Variants in LRP12 observed in about 807,000 individuals in gnomAD.
LRP12 encodes the protein low-density lipoprotein receptor-related protein 12.
Under a neutral mutation model 66.0 loss-of-function variants are expected in LRP12, and 14 were observed. The ratio of observed to expected loss-of-function variants is 0.21; its 90% confidence interval spans 0.14 to 0.33. The LOEUF (loss-of-function observed/expected upper bound fraction) is 0.33. LRP12 is among the 10% of genes least tolerant of loss of function. The probability of loss-of-function intolerance (pLI) is 1.00; values close to 1 mark genes in which losing one functional copy is unlikely to be tolerated. For missense variants in LRP12, 889 were observed against 1,053.4 expected (o/e 0.84, Z 2.16); for synonymous variants, 357 against 359.1 (o/e 0.99, Z 0.07).
At chr8:104,557,803 A>T (rs538891059) in intron 1 of LRP12, among the ~76,000 whole-genome samples, 66 of 152,312 alleles carry the variant, frequency 4.3e-4, no homozygotes, top group African/African-American at 1.5e-3. Flanking sequence ...AAAAGAGCTC[A>T]CATAGCCAAA....
Position 104,500,409 on chromosome 8 carries a change from A to C in LRP12, c.273-890T>G, listed in dbSNP as rs560589610. Among the ~76,000 whole-genome samples, 20 of 152,290 alleles carry C rather than the reference A, an allele frequency of 1.3e-4. No homozygotes were observed. In the South Asian group the frequency reaches 1.7e-3, roughly 13 times the overall value. ...TTCCAGGTTTGCACTATTATGAACTATGCTTTAAAAACTCCTGGCCGGGCA... is the reference window on the plus strand; with the variant it reads ...TTCCAGGTTTGCACTATTATGAACTCTGCTTTAAAAACTCCTGGCCGGGCA... On this transcript the variant is annotated intron_variant, in intron 3 of 6. Coordinates refer to ENST00000276654, the MANE Select transcript of LRP12 (RefSeq NM_013437.5).
chr8:104,498,955 G>T (rs1449582583), intron 4 of LRP12, among the ~76,000 whole-genome samples: 1 of 152,100 alleles, frequency 6.6e-6, no homozygotes, highest in Non-Finnish European at 1.5e-5. Flanking sequence ...AATTTGTTAG[G>T]TCTTTTCTCT....
chr8:104,588,962 C>CGAGGTA lies in LRP12; in HGVS notation c.-66_-65insTACCTC. 1 of 954,504 alleles carries CGAGGTA rather than the reference C, an allele frequency of 1.0e-6. No individual in the cohort carries two copies. Among genetic ancestry groups the CGAGGTA allele is most frequent in the South Asian group, 1.7e-5 (1 of 60,540 alleles). 59.1% of individuals were successfully genotyped at this position (954,504 alleles called of 1,614,324 possible). On this transcript the variant is annotated 5_prime_UTR_variant, in exon 1 of 7. Coordinates refer to ENST00000276654, the MANE Select transcript of LRP12 (RefSeq NM_013437.5). The stretch of plus-strand genomic sequence containing the variant: ...GGAGGGAGGAGAAGCTGGAGGTAGA[C>CGAGGTA]GACGCCGACGCCGCCGCCGCCGCCG...
intron 1 of LRP12, among the ~76,000 whole-genome samples, chr8:104,550,086 C>G (rs1408916614): frequency 6.6e-6 from 1 of 152,160 alleles, no homozygotes. Context: ...TTATTTGACT[C>G]CCAGTAGTCA....
chr8:104,553,747 G>A (rs1051133777), intron 1 of LRP12, among the ~76,000 whole-genome samples: 1 of 151,962 alleles, frequency 6.6e-6, no homozygotes, highest in African/African-American at 2.4e-5. Context: ...TGACCTTAGG[G>A]CAAGCTTGTA....
At position 104,502,207 on chromosome 8, in the gene LRP12, T is replaced by G. The variant is rs1002348464; in HGVS notation, c.273-2688A>C. On this transcript the variant is annotated intron_variant, in intron 3 of 6. Transcript: ENST00000276654. ...AAGGACACTGTCTTTACTTGTAAAG[T>G]ATGACACACAGAGTTTCATTAAAAA... Among the ~76,000 whole-genome samples, 20 of 152,274 alleles carry G rather than the reference T, an allele frequency of 1.3e-4. No individual in the cohort carries two copies. In the South Asian group the frequency reaches 1.7e-3, roughly 13 times the overall value.
intron 1 of LRP12, among the ~76,000 whole-genome samples, chr8:104,585,055 G>A (rs547860719): frequency 8.5e-4 from 130 of 152,234 alleles, no homozygotes; most frequent in African/African-American, 3.0e-3. Context: ...ACTGTAATAA[G>A]CTGAAAACCA....
chr8:104,577,157 G>A (rs977822879), intron 1 of LRP12, among the ~76,000 whole-genome samples: 1 of 152,058 alleles, frequency 6.6e-6, no homozygotes, highest in Non-Finnish European at 1.5e-5. Flanking sequence ...ACACCTCACT[G>A]ACAGTATTAG....
chr8:104,578,657 AACACTG>A (rs1812201880), intron 1 of LRP12, among the ~76,000 whole-genome samples: 1 of 152,222 alleles, frequency 6.6e-6, no homozygotes. Flanking sequence ...ATTCTTCATG[AACACTG>A]ATGCAAAAAT....
intron 3 of LRP12, chr8:104,507,009 T>G (rs1285069008): frequency 6.6e-6 from 1 of 152,192 alleles, no homozygotes; most frequent in South Asian, 2.1e-4. Flanking sequence ...CTGTGTACAC[T>G]AGATAATCAT....
intron 1 of LRP12, among the ~76,000 whole-genome samples, chr8:104,565,007 A>G (rs1180517420): frequency 6.6e-6 from 1 of 152,186 alleles, no homozygotes; most frequent in Non-Finnish European, 1.5e-5. Context: ...AGAATCTTTA[A>G]ATTATAGAAT....
intron 3 of LRP12, 127 bp downstream of exon 3, chr8:104,508,812 T>C (rs572776199): frequency 2.4e-5 from 19 of 776,380 alleles, no homozygotes; most frequent in Admixed American, 5.6e-5. Flanking sequence ...CAATAGCTAA[T>C]AGCTGTTCTT....
rs1423783469 is a variant in LRP12 at position 104,499,530 on chromosome 8, A to T, written c.273-11T>A. The T allele has an allele frequency of 6.3e-7, 1 of 1,575,306 alleles. No homozygotes were observed. Among genetic ancestry groups the T allele is most frequent in the Admixed American group, 2.0e-5 (1 of 50,378 alleles). ...TCAAAATCCTGAAAACTGAAAAAAA[A>T]ATCAGAAATGTCTATTAAAAAGTCA... On this transcript the variant is annotated splice_polypyrimidine_tract_variant and intron_variant, in intron 3 of 6. Transcript: ENST00000276654.
chr8:104,588,409 G>C (rs1384551686), intron 1 of LRP12, among the ~76,000 whole-genome samples: 1 of 152,186 alleles, frequency 6.6e-6, no homozygotes, highest in African/African-American at 2.4e-5. Flanking sequence ...GAGGGGGCGG[G>C]GGGAAGGACC....
chr8:104,558,231 C>T (rs964327723), intron 1 of LRP12, among the ~76,000 whole-genome samples: 1 of 150,140 alleles, frequency 6.7e-6, no homozygotes, highest in South Asian at 2.1e-4. Flanking sequence ...CAAAAAAAAA[C>T]AGAAACAAAC....
intron 2 of LRP12, among the ~76,000 whole-genome samples, chr8:104,530,870 A>G (rs773385487): frequency 2.0e-5 from 3 of 152,192 alleles, no homozygotes; most frequent in South Asian, 4.1e-4. Context: ...ATACAATTAT[A>G]TATCATTTGA....
intron 1 of LRP12, among the ~76,000 whole-genome samples, chr8:104,546,356 C>G (rs1340637639): frequency 6.6e-6 from 1 of 152,122 alleles, no homozygotes; most frequent in Admixed American, 6.5e-5. Context: ...AGACACAAAA[C>G]ATTTCCATAA....
rs183651114 is a variant in LRP12, at chr8:104,582,557, C to T, written c.79+6262G>A. On this transcript the variant is annotated intron_variant, in intron 1 of 6. Coordinates refer to ENST00000276654, the MANE Select transcript of LRP12 (RefSeq NM_013437.5). ...ATTGGAAATCCAGCTTTTGCTCCAC[C>T]CTTTGCTTCTTGCCTGAAATACACT... is the stretch of plus-strand genomic sequence containing the variant. Among the ~76,000 whole-genome samples, 6 of 152,250 alleles carry T rather than the reference C, an allele frequency of 3.9e-5. No homozygotes were observed. In the East Asian group the frequency reaches 1.2e-3, roughly 29 times the overall value.
At chr8:104,583,170 G>A (rs1319562357) in intron 1 of LRP12, among the ~76,000 whole-genome samples, 16 of 152,042 alleles carry the variant, frequency 1.1e-4, no homozygotes, top group Non-Finnish European at 2.4e-4. Context: ...CCACATAGTA[G>A]CAAATGTGAC....
Sources: allele counts gnomAD v4.1 joint callset (sites outside exome capture counted in the v4.1 genomes callset), GRCh38; gene constraint gnomAD v4.1.1; transcripts MANE v1.5; gene names NCBI Gene and HGNC (gene_info 2026-07-23, HGNC 2026-07-21).